Variants in MIPOL1 observed in about 807,000 individuals in gnomAD.
The protein encoded by MIPOL1 is mirror-image polydactyly gene 1 protein.
A neutral mutation model predicts 60.9 loss-of-function variants in MIPOL1; 57 were observed. That is an observed-to-expected ratio of 0.94 (90% CI 0.76 to 1.17). The LOEUF (loss-of-function observed/expected upper bound fraction) is 1.17, where lower values mean the gene tolerates loss of function less well. Among genes scored for constraint, MIPOL1 ranks in the 50% most tolerant of loss-of-function variants. MIPOL1 has a pLI of 0.00. For missense variants in MIPOL1, 551 were observed against 511.6 expected, an observed-to-expected ratio of 1.08 and a Z score of -0.74; for synonymous variants, 179 against 168.8, an observed-to-expected ratio of 1.06 and a Z score of -0.47.
chr14:37,481,199 G>A (rs971412215), intron 11 of MIPOL1, among the ~76,000 whole-genome samples: 3 of 151,966 alleles, frequency 2.0e-5, no homozygotes, highest in Non-Finnish European at 2.9e-5. Flanking sequence ...TCAACACCCC[G>A]AAATCCATAG....
chr14:37,458,057 A>G (rs2094496647), intron 11 of MIPOL1, among the ~76,000 whole-genome samples: 2 of 152,128 alleles, frequency 1.3e-5, no homozygotes, highest in African/African-American at 4.8e-5. Context: ...TAAAACAGAC[A>G]TTAATCAAAA....
intron 1 of MIPOL1, among the ~76,000 whole-genome samples, chr14:37,239,334 C>A (rs931865413): frequency 6.6e-6 from 1 of 152,004 alleles, no homozygotes; most frequent in Non-Finnish European, 1.5e-5. Context: ...CGTGAGCCAC[C>A]GCGCCTGGCC....
At chr14:37,442,287 A>G (rs2094261745) in intron 11 of MIPOL1, among the ~76,000 whole-genome samples, 2 of 152,040 alleles carry the variant, frequency 1.3e-5, no homozygotes, top group Non-Finnish European at 2.9e-5. Context: ...TCTTTAGGGT[A>G]TTTTAGGTAT....
chr14:37,394,372 C>T (rs747636931), intron 10 of MIPOL1, among the ~76,000 whole-genome samples: 4 of 151,918 alleles, frequency 2.6e-5, no homozygotes, highest in Non-Finnish European at 4.4e-5. Context: ...AGTTTACCTT[C>T]CCACCAGCAG....
At chr14:37,304,572 AG>A (rs2086628668) in intron 7 of MIPOL1, among the ~76,000 whole-genome samples, 1 of 151,860 alleles carries the variant, frequency 6.6e-6, no homozygotes, top group Admixed American at 6.6e-5. Flanking sequence ...TTAGAATAAA[AG>A]CCAACAAATA....
intron 6 of MIPOL1, among the ~76,000 whole-genome samples, chr14:37,279,650 A>G (rs2083944048): frequency 6.6e-6 from 1 of 152,022 alleles, no homozygotes; most frequent in Non-Finnish European, 1.5e-5. Flanking sequence ...TAATAATCGT[A>G]TATATTATTC....
chr14:37,529,952 G>T (rs1168145215), intron 12 of MIPOL1, among the ~76,000 whole-genome samples: 1 of 152,152 alleles, frequency 6.6e-6, no homozygotes. Flanking sequence ...TAAAGCAGTG[G>T]CGATTACTTG....
intron 3 of MIPOL1, among the ~76,000 whole-genome samples, chr14:37,261,030 T>C (rs1393596900): frequency 6.6e-6 from 1 of 152,084 alleles, no homozygotes; most frequent in Non-Finnish European, 1.5e-5. Flanking sequence ...CTTTCCTGAA[T>C]GTCAAGATTT....
chr14:37,218,224 A>C (rs1968091104), intron 1 of MIPOL1, among the ~76,000 whole-genome samples: 1 of 152,120 alleles, frequency 6.6e-6, no homozygotes, highest in South Asian at 2.1e-4. Flanking sequence ...TCTGTTGCCC[A>C]GGCTGGAGTG....
At chr14:37,453,542 A>G (rs1399584279) in intron 11 of MIPOL1, among the ~76,000 whole-genome samples, 1 of 152,080 alleles carries the variant, frequency 6.6e-6, no homozygotes, top group Admixed American at 6.6e-5. Context: ...CTTGACTCTG[A>G]GTAATTATTT....
At chr14:37,270,343 A>G in intron 5 of MIPOL1, 77 bp from the exon 6 acceptor site, 1 of 737,856 alleles carries the variant, frequency 1.4e-6, no homozygotes, top group Non-Finnish European at 2.0e-6. Context: ...AGAAAAAACC[A>G]AAAACTTTGA....
At chr14:37,296,161 T>C (rs1246230748) in intron 7 of MIPOL1, among the ~76,000 whole-genome samples, 11 of 152,272 alleles carry the variant, frequency 7.2e-5, no homozygotes, top group Admixed American at 2.0e-4. Context: ...CACTCAAAAC[T>C]GCTCAGCTAC....
intron 10 of MIPOL1, among the ~76,000 whole-genome samples, chr14:37,407,845 C>CTTTTTT (rs35133543): frequency 3.4e-5 from 3 of 88,788 alleles, no homozygotes; most frequent in East Asian, 7.5e-4. Flanking sequence ...TCTTCTTCTT[C>CTTTTTT]TTTTTTTTTT....
At chr14:37,241,078 G>T (rs1972280080) in intron 1 of MIPOL1, among the ~76,000 whole-genome samples, 1 of 152,124 alleles carries the variant, frequency 6.6e-6, no homozygotes, top group Middle Eastern at 3.2e-3. Flanking sequence ...TCTGGTGCCA[G>T]TTCGAAGGCC....
intron 12 of MIPOL1, among the ~76,000 whole-genome samples, chr14:37,539,230 C>A (rs1253854904): frequency 6.6e-6 from 1 of 151,966 alleles, no homozygotes; most frequent in Non-Finnish European, 1.5e-5. Context: ...AAAGAACTGC[C>A]CAGCTGAGCC....
intron 9 of MIPOL1, among the ~76,000 whole-genome samples, chr14:37,347,723 T>C (rs1488052657): frequency 6.6e-6 from 1 of 152,156 alleles, no homozygotes; most frequent in East Asian, 1.9e-4. Context: ...GGAATTACTG[T>C]GAAACTCATA....
intron 9 of MIPOL1, among the ~76,000 whole-genome samples, chr14:37,366,290 C>T (rs1331065878): frequency 6.6e-6 from 1 of 151,798 alleles, no homozygotes; most frequent in African/African-American, 2.4e-5. Context: ...TAGGCTCTTA[C>T]CGCTATAAAC....
At chr14:37,297,358 A>G (rs894212477) in intron 7 of MIPOL1, among the ~76,000 whole-genome samples, 7 of 152,210 alleles carry the variant, frequency 4.6e-5, no homozygotes, top group Admixed American at 1.3e-4. Context: ...ATACTGAATG[A>G]ACAAAAACTG....
At chr14:37,406,567 G>A (rs1415761785) in intron 10 of MIPOL1, among the ~76,000 whole-genome samples, 1 of 152,060 alleles carries the variant, frequency 6.6e-6, no homozygotes, top group Non-Finnish European at 1.5e-5. Flanking sequence ...ATGTTCTTAG[G>A]TAGTACCAGA....
Sources: allele counts gnomAD v4.1 joint callset (sites outside exome capture counted in the v4.1 genomes callset), GRCh38; gene constraint gnomAD v4.1.1; transcripts MANE v1.5; gene names NCBI Gene and HGNC (gene_info 2026-07-23, HGNC 2026-07-21).